The following CPNE5 variants were observed in gnomAD, a reference collection of about 807,000 sequenced individuals.
CPNE5 encodes the protein copine 5, also known as copine-5.
A neutral mutation model predicts 81.1 loss-of-function variants in CPNE5; 42 were observed. The observed-to-expected ratio is 0.52, with a 90% confidence interval of 0.40 to 0.67. CPNE5 has a LOEUF of 0.67. Among genes scored for constraint, CPNE5 ranks in the 30% least tolerant of loss-of-function variants. CPNE5 has a pLI of 0.00. For synonymous variants in CPNE5, 313 were observed against 321.5 expected (o/e 0.97, Z 0.28); for missense variants, 612 against 815.5 (o/e 0.75, Z 3.04).
intron 1 of CPNE5, among the ~76,000 whole-genome samples, chr6:36,825,204 T>G (rs964645004): frequency 6.6e-6 from 1 of 151,978 alleles, no homozygotes; most frequent in Non-Finnish European, 1.5e-5. Context: ...CCCCACGCCC[T>G]AAGGTGGGAG....
At chr6:36,783,079 T>C (rs920976842) in intron 8 of CPNE5, among the ~76,000 whole-genome samples, 1 of 152,150 alleles carries the variant, frequency 6.6e-6, no homozygotes, top group Non-Finnish European at 1.5e-5. Flanking sequence ...GAGGTAACAC[T>C]TGCAGAGTGC....
chr6:36,756,707 A>G (rs973406327), intron 12 of CPNE5, among the ~76,000 whole-genome samples: 3 of 151,708 alleles, frequency 2.0e-5, no homozygotes, highest in African/African-American at 4.8e-5. Context: ...GCCAATTCCA[A>G]TCTCCCCTGT....
chr6:36,774,814 G>T (rs1767356669), intron 10 of CPNE5, 147 bp downstream of exon 10: 2 of 642,764 alleles, frequency 3.1e-6, no homozygotes, highest in Non-Finnish European at 5.5e-6. Flanking sequence ...CCCAGCCTGT[G>T]CAGGGCACCC....
rs115463893 is a variant in CPNE5 at position 36,824,571 on chromosome 6, G to A, written c.96-1473C>T. Among the ~76,000 whole-genome samples, 164 of 152,206 alleles carry A rather than the reference G, an allele frequency of 1.1e-3. 1 individual carries two copies. Among genetic ancestry groups the A allele is most frequent in the Admixed American group, 1.3e-3 (20 of 15,296 alleles). On this transcript the variant is annotated intron_variant, in intron 1 of 20. Transcript: ENST00000244751. Reference sequence around the variant, plus strand: ...CTCTACTCCCACAACCCCCCACAGGGGCCTCTGCCCCTTGAACTGCTTTTC... The same window carrying A: ...CTCTACTCCCACAACCCCCCACAGGAGCCTCTGCCCCTTGAACTGCTTTTC...
At chr6:36,792,197 T>G in intron 7 of CPNE5, 101 bp from the exon 8 acceptor site, 4 of 905,966 alleles carry the variant, frequency 4.4e-6, no homozygotes, top group Non-Finnish European at 5.1e-6. Context: ...CCCCGCCCCC[T>G]ACCATCCAGC....
intron 12 of CPNE5, among the ~76,000 whole-genome samples, chr6:36,757,674 G>T (rs918447336): frequency 6.6e-6 from 1 of 152,150 alleles, no homozygotes; most frequent in Non-Finnish European, 1.5e-5. Flanking sequence ...AAAGTGACAA[G>T]GGCCATGGAA....
At chr6:36,756,405 AGT>A (rs1387688415) in intron 12 of CPNE5, 107 bp from the exon 13 acceptor site, 1 of 905,052 alleles carries the variant, frequency 1.1e-6, no homozygotes, top group African/African-American at 1.6e-5. Flanking sequence ...GCCCCATTAG[AGT>A]GTGGGGTGTG....
At chr6:36,791,257 C>T (rs1395433540) in intron 8 of CPNE5, among the ~76,000 whole-genome samples, 3 of 152,182 alleles carry the variant, frequency 2.0e-5, no homozygotes, top group Non-Finnish European at 2.9e-5. Flanking sequence ...CATGGCTCTG[C>T]TGTTTGTCAT....
intron 18 of CPNE5, among the ~76,000 whole-genome samples, 173 bp downstream of exon 18, chr6:36,744,875 A>G (rs1374591736): frequency 1.3e-5 from 2 of 151,472 alleles, no homozygotes; most frequent in East Asian, 4.0e-4. Flanking sequence ...GCCAGAGGCC[A>G]GAAGGTGGAT....
intron 12 of CPNE5, 128 bp from the exon 13 acceptor site, chr6:36,756,426 G>C (rs776846177): frequency 4.2e-6 from 3 of 706,496 alleles, no homozygotes; most frequent in East Asian, 2.6e-5. Flanking sequence ...TGAAGACCAC[G>C]GGGCCAGGGG....
intron 12 of CPNE5, among the ~76,000 whole-genome samples, chr6:36,760,789 C>T (rs1765949123): frequency 6.6e-6 from 1 of 152,170 alleles, no homozygotes; most frequent in Non-Finnish European, 1.5e-5. Context: ...GACAGCTGGA[C>T]ATAGGAGCCT....
chr6:36,818,764 C>G (rs1356440511), intron 3 of CPNE5, among the ~76,000 whole-genome samples: 1 of 152,204 alleles, frequency 6.6e-6, no homozygotes, highest in Non-Finnish European at 1.5e-5. Flanking sequence ...CTACTCCACC[C>G]TGCGGCGGGT....
chr6:36,783,162 A>G (rs1336651093), intron 8 of CPNE5, among the ~76,000 whole-genome samples: 1 of 152,126 alleles, frequency 6.6e-6, no homozygotes, highest in African/African-American at 2.4e-5. Context: ...ATGGCAATAT[A>G]ATATGGTTCT....
At chr6:36,807,771 C>T (rs1425811740) in intron 3 of CPNE5, among the ~76,000 whole-genome samples, 1 of 152,126 alleles carries the variant, frequency 6.6e-6, no homozygotes, top group Admixed American at 6.5e-5. Context: ...TCGAACAAAC[C>T]GACTTCTCCA....
chr6:36,811,201 G>T (rs1771072721), intron 3 of CPNE5, among the ~76,000 whole-genome samples: 1 of 152,100 alleles, frequency 6.6e-6, no homozygotes, highest in South Asian at 2.1e-4. Context: ...GAGGGTGGGG[G>T]GCCTGAGCAG....
intron 20 of CPNE5, chr6:36,742,854 C>T: frequency 2.0e-6 from 2 of 985,420 alleles, no homozygotes; most frequent in South Asian, 4.7e-5. Context: ...TTTCCCCCGA[C>T]CTGTCCAGCA....
intron 4 of CPNE5, among the ~76,000 whole-genome samples, chr6:36,798,774 C>A (rs1414038999): frequency 6.6e-6 from 1 of 152,072 alleles, no homozygotes; most frequent in Admixed American, 6.5e-5. Flanking sequence ...ATATGTTATA[C>A]CTCATTAAAA....
At chr6:36,812,715 T>C (rs1416097094) in intron 3 of CPNE5, among the ~76,000 whole-genome samples, 1 of 152,148 alleles carries the variant, frequency 6.6e-6, no homozygotes, top group Non-Finnish European at 1.5e-5. Context: ...CTAACCCTGA[T>C]CACGGGGAGT....
chr6:36,759,303 T>C (rs954787878), intron 12 of CPNE5, among the ~76,000 whole-genome samples: 6 of 152,018 alleles, frequency 3.9e-5, no homozygotes, highest in African/African-American at 1.2e-4. Context: ...AGCCTCAGCC[T>C]CTCCAGCCCC....
Sources: allele counts gnomAD v4.1 joint callset (sites outside exome capture counted in the v4.1 genomes callset), GRCh38; gene constraint gnomAD v4.1.1; transcripts MANE v1.5; gene names NCBI Gene and HGNC (gene_info 2026-07-23, HGNC 2026-07-21).